The following CREM variants were observed in gnomAD, a reference collection of about 807,000 sequenced individuals.
CREM encodes cAMP-responsive element modulator.
In CREM, 13 loss-of-function variants were observed where a neutral mutation model predicts 37.3. The ratio of observed to expected loss-of-function variants is 0.35; its 90% CI spans 0.23 to 0.55. The LOEUF (loss-of-function observed/expected upper bound fraction) is 0.55. Ranked by LOEUF, CREM falls within the 20% of genes least tolerant of loss-of-function variation. The pLI is 0.88. For synonymous variants in CREM, 124 were observed against 120.2 expected, an observed-to-expected ratio of 1.03 and a Z score of -0.21; for missense variants, 296 against 362.3, an observed-to-expected ratio of 0.82 and a Z score of 1.49.
intron 3 of CREM, among the ~76,000 whole-genome samples, chr10:35,165,056 C>CAAAAAAAAAAAAAAAAAAAAA (rs60898349): frequency 1.3e-5 from 1 of 74,956 alleles, no homozygotes; most frequent in Non-Finnish European, 2.6e-5. Flanking sequence ...GGCTCCATCT[C>CAAAAAAAAAAAAAAAAAAAAA]AAAAAAAAAA....
chr10:35,128,777 G>A (rs1249753798), intron 1 of CREM, among the ~76,000 whole-genome samples: 1 of 152,026 alleles, frequency 6.6e-6, no homozygotes, highest in Non-Finnish European at 1.5e-5. Context: ...CGCCCGCGTC[G>A]GCCTCCCAAA....
chr10:35,158,798 GTTTTTTTTTTGTTGTTTTGTTTGTT>G (rs771188019), intron 3 of CREM, among the ~76,000 whole-genome samples: 4 of 100,840 alleles, frequency 4.0e-5, no homozygotes, highest in African/African-American at 7.0e-5. Context: ...CAAATATAGT[GTTTTTTTTTTGTTGTTTTGTTTGTT>G]TTTTTTTTTT....
At chr10:35,168,428 A>G (rs2093654266) in intron 3 of CREM, among the ~76,000 whole-genome samples, 1 of 152,144 alleles carries the variant, frequency 6.6e-6, no homozygotes, top group South Asian at 2.1e-4. Context: ...TCCTTCGCCC[A>G]CTTTTTGATG....
intron 2 of CREM, among the ~76,000 whole-genome samples, chr10:35,145,852 G>T (rs2092047774): frequency 6.7e-6 from 1 of 148,288 alleles, no homozygotes; most frequent in Non-Finnish European, 1.5e-5. Context: ...AATAAACTGT[G>T]TTTCTCAAAT....
At chr10:35,166,816 G>GTC (rs1564857053) in intron 3 of CREM, among the ~76,000 whole-genome samples, 1 of 152,066 alleles carries the variant, frequency 6.6e-6, no homozygotes, top group Non-Finnish European at 1.5e-5. Context: ...TTTTGTGTTT[G>GTC]TCTTACTCAG....
At chr10:35,168,188 A>G (rs909849990) in intron 3 of CREM, among the ~76,000 whole-genome samples, 6 of 152,192 alleles carry the variant, frequency 3.9e-5, no homozygotes, top group African/African-American at 1.2e-4. Flanking sequence ...GTCTTCCACA[A>G]TGGTTGAACT....
At chr10:35,206,488 A>C (rs920748882) in intron 6 of CREM, among the ~76,000 whole-genome samples, 5 of 152,134 alleles carry the variant, frequency 3.3e-5, no homozygotes, top group Admixed American at 3.3e-4. Context: ...GGTAGCTTGA[A>C]ACTGGCCATG....
At chr10:35,184,640 TTTTG>T (rs544493564) in intron 5 of CREM, among the ~76,000 whole-genome samples, 37 of 152,332 alleles carry the variant, frequency 2.4e-4, no homozygotes, top group Admixed American at 1.3e-3. Flanking sequence ...TTTGTTTAGC[TTTTG>T]TTTTCCATAT....
chr10:35,209,219 T>G, intron 7 of CREM: 1 of 713,666 alleles, frequency 1.4e-6, no homozygotes, highest in Non-Finnish European at 1.7e-6. Flanking sequence ...ATCTCTTACA[T>G]ATTTTCTTTT....
chr10:35,175,187 C>T (rs2093992383), intron 3 of CREM, among the ~76,000 whole-genome samples: 1 of 152,226 alleles, frequency 6.6e-6, no homozygotes, highest in South Asian at 2.1e-4. Flanking sequence ...GTGGCTCACG[C>T]CTGTAATCCC....
intron 3 of CREM, among the ~76,000 whole-genome samples, chr10:35,172,714 C>G (rs1564873580): frequency 1.3e-5 from 2 of 152,056 alleles, no homozygotes; most frequent in African/African-American, 2.4e-5. Context: ...AAAGCACCCC[C>G]CCGCTGCGTC....
chr10:35,196,415 T>C, intron 6 of CREM: 1 of 364,434 alleles, frequency 2.7e-6, no homozygotes, highest in Non-Finnish European at 5.0e-6. Context: ...TCAGTGGTCT[T>C]GTTTGTAATA....
chr10:35,186,709 A>G (rs997887508), intron 5 of CREM, among the ~76,000 whole-genome samples: 3 of 138,466 alleles, frequency 2.2e-5, no homozygotes, highest in Admixed American at 1.6e-4. Context: ...GGTCATATAT[A>G]CAACATATAT....
intron 2 of CREM, among the ~76,000 whole-genome samples, chr10:35,139,459 G>A (rs927975893): frequency 2.6e-5 from 4 of 152,146 alleles, no homozygotes; most frequent in African/African-American, 4.8e-5. Flanking sequence ...TAGAATTGTG[G>A]AACCAAATAT....
intron 6 of CREM, among the ~76,000 whole-genome samples, chr10:35,199,599 T>G (rs1456910725): frequency 1.3e-5 from 2 of 152,138 alleles, no homozygotes; most frequent in East Asian, 3.9e-4. Flanking sequence ...GGAAACCATG[T>G]TCAAATGCTA....
intron 3 of CREM, among the ~76,000 whole-genome samples, chr10:35,162,685 AAAG>A (rs1017098506): frequency 5.9e-5 from 9 of 152,196 alleles, no homozygotes; most frequent in African/African-American, 1.4e-4. Context: ...CATCCTTTAC[AAAG>A]AAGGAGTCCA....
chr10:35,167,978 T>G (rs959515484), intron 3 of CREM, among the ~76,000 whole-genome samples: 1 of 152,182 alleles, frequency 6.6e-6, no homozygotes, highest in Non-Finnish European at 1.5e-5. Context: ...GGACATGAAC[T>G]CATCCTTTTT....
At chr10:35,129,575 C>G (rs1226052783) in intron 1 of CREM, among the ~76,000 whole-genome samples, 2 of 152,206 alleles carry the variant, frequency 1.3e-5, no homozygotes, top group African/African-American at 4.8e-5. Flanking sequence ...GAAGATTGAG[C>G]TAGGTTTATT....
chr10:35,148,500 T>A lies in CREM; in HGVS notation c.168+9T>A. ...TCCCTGCTTTAGCTCAGGTAGGCAA[T>A]AGGCAGGCACCGTTGAAAGTCAAAA... On this transcript the variant is annotated intron_variant, in intron 3 of 7. Coordinates refer to ENST00000685392, the MANE Select transcript of CREM (RefSeq NM_183011.2). 1 of 1,608,028 alleles carries A rather than the reference T, an allele frequency of 6.2e-7. No homozygotes were observed. The highest frequency in any genetic ancestry group is 8.5e-7 in the Non-Finnish European group (1 of 1,177,810).
Sources: allele counts gnomAD v4.1 joint callset (sites outside exome capture counted in the v4.1 genomes callset), GRCh38; gene constraint gnomAD v4.1.1; transcripts MANE v1.5; gene names NCBI Gene and HGNC (gene_info 2026-07-23, HGNC 2026-07-21).